FSTL5: variants seen among roughly 807,000 people sequenced by gnomAD.
FSTL5 encodes the protein follistatin like 5, also known as follistatin-related protein 5.
FSTL5 carries 62 observed loss-of-function variants against 89.1 expected under a neutral mutation model. The observed-to-expected ratio is 0.70, with a 90% CI of 0.57 to 0.86. The LOEUF (loss-of-function observed/expected upper bound fraction) is 0.86. Among genes scored for constraint, FSTL5 ranks in the 40% least tolerant of loss-of-function variants. The pLI is 0.00. For missense variants in FSTL5, 1,057 were observed against 1,001.6 expected (o/e 1.06, Z -0.75); for synonymous variants, 383 against 346.2 (o/e 1.11, Z -1.18).
In FSTL5 at chr4:161,856,662, G is replaced by GTGTATA. The variant is rs1553971994; in HGVS notation, c.409+63741_409+63742insTATACA. 2.0e-5 allele frequency among the ~76,000 whole-genome samples: 3 copies of GTGTATA among 147,820 alleles called. No individual in the cohort carries two copies. In the Admixed American group the frequency reaches 2.0e-4, roughly 10 times the overall value. On this transcript the variant is annotated intron_variant, in intron 4 of 15. Coordinates refer to ENST00000306100, the MANE Select transcript of FSTL5 (RefSeq NM_020116.5). ...TTTATTTGCATACTTGTGTGTGTGT[G>GTGTATA]TATATATATATATATAAATATGTAT...
At chr4:161,925,885 A>G (rs1350162326) in intron 3 of FSTL5, among the ~76,000 whole-genome samples, 1 of 151,890 alleles carries the variant, frequency 6.6e-6, no homozygotes, top group Middle Eastern at 3.2e-3. Flanking sequence ...CTTTCACTGT[A>G]TAAGAATTTA....
At chr4:162,038,855 G>T (rs1737840870) in intron 2 of FSTL5, among the ~76,000 whole-genome samples, 1 of 151,786 alleles carries the variant, frequency 6.6e-6, no homozygotes, top group Non-Finnish European at 1.5e-5. Flanking sequence ...TAAATGCTAA[G>T]TGCATCATCT....
At chr4:162,127,661 T>G (rs1429003015) in intron 1 of FSTL5, among the ~76,000 whole-genome samples, 1 of 152,124 alleles carries the variant, frequency 6.6e-6, no homozygotes. Flanking sequence ...TGAGTTTTGT[T>G]ACATGCAAAT....
In FSTL5 at chr4:161,619,097, C is replaced by A. The variant is rs551560602; in HGVS notation, c.895-31522G>T. Among the ~76,000 whole-genome samples the A allele has an allele frequency of 2.8e-4, 42 of 152,200 alleles. 2 individuals are homozygous for A. In the South Asian group the frequency reaches 8.3e-3, roughly 30 times the overall value. ...AAAAACAAGAAATGGGGAAAGGATT[C>A]CCTATTTAATAAATGGTGCTGGGAA... On this transcript the variant is annotated intron_variant, in intron 7 of 15. Coordinates refer to ENST00000306100, the MANE Select transcript of FSTL5 (RefSeq NM_020116.5).
At chr4:161,988,033 G>C (rs575378652) in intron 3 of FSTL5, among the ~76,000 whole-genome samples, 1 of 150,726 alleles carries the variant, frequency 6.6e-6, no homozygotes, top group East Asian at 1.9e-4. Flanking sequence ...ATTTTATTGT[G>C]AGAGAATAAA....
intron 2 of FSTL5, among the ~76,000 whole-genome samples, chr4:162,109,463 C>T (rs1348357239): frequency 6.6e-6 from 1 of 151,978 alleles, no homozygotes; most frequent in East Asian, 1.9e-4. Context: ...AACCAACAGT[C>T]ATTTATTATT....
chr4:162,147,244 CTTAG>C (rs1733038231), intron 1 of FSTL5, among the ~76,000 whole-genome samples: 1 of 152,078 alleles, frequency 6.6e-6, no homozygotes, highest in East Asian at 1.9e-4. Flanking sequence ...TTCTTAGTTT[CTTAG>C]TTAATCTGGA....
intron 4 of FSTL5, among the ~76,000 whole-genome samples, chr4:161,848,891 C>T (rs1311283435): frequency 6.6e-6 from 1 of 151,634 alleles, no homozygotes; most frequent in South Asian, 2.1e-4. Context: ...AGGCACTCTG[C>T]GTTCATTAGG....
intron 2 of FSTL5, among the ~76,000 whole-genome samples, chr4:162,081,888 C>G (rs545693666): frequency 4.0e-5 from 6 of 151,434 alleles, no homozygotes; most frequent in African/African-American, 1.4e-4. Context: ...CTAAACAGAG[C>G]TCAGTAAACA....
chr4:161,406,522 T>C (rs1731383311), intron 15 of FSTL5, among the ~76,000 whole-genome samples: 2 of 152,150 alleles, frequency 1.3e-5, no homozygotes, highest in African/African-American at 4.8e-5. Flanking sequence ...AATTTGTCTG[T>C]TAGGTCTGGT....
At chr4:161,493,181 T>C (rs146647932) in intron 12 of FSTL5, among the ~76,000 whole-genome samples, 4,754 of 151,842 alleles carry the variant, frequency 0.031, 113 homozygotes, top group Middle Eastern at 0.061. Context: ...GATTTAATCA[T>C]TAAAATTGTA....
chr4:161,520,191 A>G (rs1730976022), intron 10 of FSTL5, among the ~76,000 whole-genome samples: 1 of 151,924 alleles, frequency 6.6e-6, no homozygotes, highest in Admixed American at 6.6e-5. Context: ...TTAAGATGGT[A>G]AAGCTTTAAA....
At chr4:161,855,955 T>C (rs1362867224) in intron 4 of FSTL5, among the ~76,000 whole-genome samples, 1 of 152,082 alleles carries the variant, frequency 6.6e-6, no homozygotes, top group Non-Finnish European at 1.5e-5. Context: ...GGAAAAGGAA[T>C]AAAACCAAGA....
intron 2 of FSTL5, among the ~76,000 whole-genome samples, chr4:162,050,955 A>C (rs974840781): frequency 6.6e-6 from 1 of 151,696 alleles, no homozygotes; most frequent in South Asian, 2.1e-4. Flanking sequence ...AGAGAAATAA[A>C]ACCTAATGTA....
intron 3 of FSTL5, among the ~76,000 whole-genome samples, chr4:161,928,607 CCATT>C (rs901544583): frequency 1.1e-4 from 16 of 151,812 alleles, no homozygotes; most frequent in African/African-American, 3.6e-4. Context: ...TGGATTTTTA[CCATT>C]CAATTAGGTA....
intron 3 of FSTL5, among the ~76,000 whole-genome samples, chr4:162,015,499 C>T (rs1468508657): frequency 1.3e-5 from 2 of 152,138 alleles, no homozygotes; most frequent in Non-Finnish European, 2.9e-5. Flanking sequence ...CCACACCACA[C>T]GCTGCCCACT....
At chr4:161,778,099 C>G (rs1463727901) in intron 4 of FSTL5, among the ~76,000 whole-genome samples, 2 of 11,776 alleles carry the variant, frequency 1.7e-4, no homozygotes, top group Non-Finnish European at 4.8e-4. Context: ...GTATCACACA[C>G]ACACACACAC....
chr4:161,602,257 GA>G (rs1734275321), intron 7 of FSTL5, among the ~76,000 whole-genome samples: 2 of 32,214 alleles, frequency 6.2e-5, no homozygotes, highest in African/African-American at 8.7e-5. Flanking sequence ...GAGAGAAAGA[GA>G]GAGAGAGAGA....
At chr4:162,044,056 A>C (rs961874575) in intron 2 of FSTL5, among the ~76,000 whole-genome samples, 1 of 152,156 alleles carries the variant, frequency 6.6e-6, no homozygotes, top group Non-Finnish European at 1.5e-5. Flanking sequence ...TCCTTCCATG[A>C]ATCATGAATG....
Sources: allele counts gnomAD v4.1 joint callset (sites outside exome capture counted in the v4.1 genomes callset), GRCh38; gene constraint gnomAD v4.1.1; transcripts MANE v1.5; gene names NCBI Gene and HGNC (gene_info 2026-07-23, HGNC 2026-07-21).